Variants in BACE2 observed in about 807,000 individuals in gnomAD.
The protein encoded by BACE2 is 56 kDa aspartic-like protease.
In BACE2, 17 loss-of-function variants were observed where a neutral mutation model predicts 46.2. The observed-to-expected ratio is 0.37, with a 90% confidence interval of 0.25 to 0.55. The LOEUF is 0.55. BACE2 is among the 20% of genes least tolerant of loss of function. The pLI, the probability that BACE2 is intolerant of heterozygous loss-of-function variation, is 0.82. For synonymous variants in BACE2, 277 were observed against 295.9 expected, an observed-to-expected ratio of 0.94 and a Z score of 0.66; for missense variants, 595 against 698.1, an observed-to-expected ratio of 0.85 and a Z score of 1.66.
chr21:41,190,859 TAACTC>T (rs2123512589), intron 1 of BACE2, among the ~76,000 whole-genome samples: 1 of 152,346 alleles, frequency 6.6e-6, no homozygotes, highest in African/African-American at 2.4e-5. Context: ...CGGCCAACTG[TAACTC>T]CCATCTTAGC....
Position 41,168,420 on chromosome 21 carries a change from G to A in BACE2, c.157G>A (p.Ala53Thr). ...VAPTPGPGTP[A>T]ERHADGLALA... ...GCCCACCCCGGGACCCGGGACCCCT[G>A]CCGAGCGCCACGCCGACGGCTTGGC... The change falls in exon 1 of 9, where the codon GCC (alanine) becomes ACC (threonine). Residue 53 changes from alanine (A) to threonine (T), a missense_variant. Coordinates refer to ENST00000330333, the MANE Select transcript of BACE2 (RefSeq NM_012105.5). 7.1e-7 allele frequency: 1 copy of A among 1,404,164 alleles called. No homozygotes were observed. Among genetic ancestry groups the A allele is most frequent in the Non-Finnish European group, 9.3e-7 (1 of 1,077,012 alleles). The allele number at this position is 1,404,164 out of a possible 1,614,324, so 87.0% of individuals were successfully genotyped here.
chr21:41,169,303 G>A (rs1433052857), intron 1 of BACE2, among the ~76,000 whole-genome samples: 2 of 151,764 alleles, frequency 1.3e-5, no homozygotes, highest in African/African-American at 4.8e-5. Context: ...AAAAAAACAG[G>A]GGCTGAGTGA....
In BACE2 at chr21:41,231,694, T is replaced by C. The variant is rs1264769304; in HGVS notation, c.401+5340T>C. 3.3e-5 allele frequency among the ~76,000 whole-genome samples: 5 copies of C among 152,216 alleles called. No individual in the cohort carries two copies. In the East Asian group the frequency reaches 7.7e-4, roughly 23 times the overall value. Reference sequence around the variant, plus strand: ...TTGGTTCAAAGTGTTTTTATTACTGTGAGCAGGCTTTTTCCTGGCCACCCA... The same window carrying C: ...TTGGTTCAAAGTGTTTTTATTACTGCGAGCAGGCTTTTTCCTGGCCACCCA... On this transcript the variant is annotated intron_variant, in intron 2 of 8. Transcript: ENST00000330333.
intron 1 of BACE2, among the ~76,000 whole-genome samples, chr21:41,171,034 T>C (rs1054102063): frequency 6.6e-6 from 1 of 152,188 alleles, no homozygotes; most frequent in Non-Finnish European, 1.5e-5. Context: ...GAGCTGAACT[T>C]CAGAAGCCAA....
intron 1 of BACE2, chr21:41,179,058 G>A: frequency 1.8e-6 from 2 of 1,139,502 alleles, no homozygotes; most frequent in Non-Finnish European, 2.3e-6. Flanking sequence ...CCAGGGAGGT[G>A]AAGACTTGAG....
At chr21:41,199,510 G>A (rs1568864912) in intron 1 of BACE2, among the ~76,000 whole-genome samples, 1 of 152,184 alleles carries the variant, frequency 6.6e-6, no homozygotes, top group Non-Finnish European at 1.5e-5. Flanking sequence ...GTACCACCCA[G>A]TGTCCAAGGA....
chr21:41,205,983 T>G (rs545363932), intron 1 of BACE2, among the ~76,000 whole-genome samples: 2 of 152,312 alleles, frequency 1.3e-5, no homozygotes, highest in South Asian at 4.1e-4. Context: ...CACACACCTG[T>G]GTTCACAGCA....
intron 7 of BACE2, 39 bp from the exon 8 acceptor site, chr21:41,257,119 T>G (rs1405299010): frequency 6.2e-7 from 1 of 1,612,648 alleles, no homozygotes; most frequent in African/African-American, 1.3e-5. Flanking sequence ...TGATTTGTGC[T>G]TTTTCTTGTT....
At chr21:41,192,705 G>A (rs1985615551) in intron 1 of BACE2, among the ~76,000 whole-genome samples, 1 of 152,200 alleles carries the variant, frequency 6.6e-6, no homozygotes, top group African/African-American at 2.4e-5. Flanking sequence ...TGGCCCAAGT[G>A]GCCAAGCAGC....
At chr21:41,263,361 A>C (rs1234115272) in intron 8 of BACE2, among the ~76,000 whole-genome samples, 1 of 152,208 alleles carries the variant, frequency 6.6e-6, no homozygotes, top group Admixed American at 6.5e-5. Context: ...ACATAAAATA[A>C]CTTAAGTAAT....
At chr21:41,267,876 C>T (rs1316727052) in intron 8 of BACE2, among the ~76,000 whole-genome samples, 1 of 152,164 alleles carries the variant, frequency 6.6e-6, no homozygotes, top group African/African-American at 2.4e-5. Flanking sequence ...ACTCAGAAAG[C>T]ATCTCAGTAC....
intron 1 of BACE2, among the ~76,000 whole-genome samples, chr21:41,170,082 G>A (rs1984549880): frequency 6.6e-6 from 1 of 152,148 alleles, no homozygotes. Context: ...TGATGCGAGG[G>A]AATTCTCTCT....
At chr21:41,200,061 A>G (rs745336343) in intron 1 of BACE2, among the ~76,000 whole-genome samples, 47 of 147,486 alleles carry the variant, frequency 3.2e-4, no homozygotes, top group Admixed American at 7.4e-4. Context: ...AGGGGGGAGG[A>G]ATAGCATTAG....
Position 41,168,347 on chromosome 21 carries a change from CT to C in BACE2, c.86del (p.Phe29SerfsTer14). 1 of 1,381,278 alleles carries C rather than the reference CT, an allele frequency of 7.2e-7. No individual in the cohort carries two copies. Among genetic ancestry groups the C allele is most frequent in the Non-Finnish European group, 9.4e-7 (1 of 1,063,826 alleles). 85.6% of individuals were successfully genotyped at this position (1,381,278 alleles called of 1,614,324 possible). A position where few individuals can be genotyped will look rare whatever the true frequency, so the allele number is the denominator to read the frequency against. Reference protein sequence around the residue: ...RAAPELAPAPFTLPLRVAAAT... With the variant: ...RAAPELAPAPXTLPLRVAAAT... ...CCGCCCCGGAGCTGGCCCCCGCGCC[CT>C]TCACGCTGCCCCTCCGGGTGGCCGC... On this transcript the variant is annotated frameshift_variant, in exon 1 of 9. Coordinates refer to ENST00000330333, the MANE Select transcript of BACE2 (RefSeq NM_012105.5). LOFTEE classifies it high-confidence loss of function.
intron 5 of BACE2, among the ~76,000 whole-genome samples, 186 bp from the exon 6 acceptor site, chr21:41,245,776 C>A (rs1225028391): frequency 6.6e-6 from 1 of 152,170 alleles, no homozygotes; most frequent in Non-Finnish European, 1.5e-5. Flanking sequence ...CTGAAGTGAG[C>A]GTGTTGGGTT....
At chr21:41,210,676 C>T (rs975448865) in intron 1 of BACE2, among the ~76,000 whole-genome samples, 1 of 152,202 alleles carries the variant, frequency 6.6e-6, no homozygotes. Context: ...ATAAGAGACC[C>T]CTGACAGTGG....
chr21:41,179,601 A>G (rs1985029608), intron 1 of BACE2: 8 of 1,353,226 alleles, frequency 5.9e-6, no homozygotes, highest in Non-Finnish European at 7.9e-6. Context: ...AGGTGTTTGC[A>G]GTGCTTCAGG....
intron 6 of BACE2, 118 bp downstream of exon 6, chr21:41,246,181 A>ATTTCCAATG: frequency 3.4e-6 from 2 of 584,964 alleles, no homozygotes; most frequent in South Asian, 5.8e-5. Context: ...TCCAATTTTC[A>ATTTCCAATG]TATTGTGTAT....
chr21:41,238,954 TA>T (rs34474586), intron 3 of BACE2, among the ~76,000 whole-genome samples: 63,917 of 85,782 alleles, frequency 0.75, 23,070 homozygotes, highest in East Asian at 0.82. Context: ...AAAGTATAAT[TA>T]AAAAAAAAAA....
Sources: gnomAD v4.1 joint callset for allele counts (sites outside exome capture counted in the v4.1 genomes callset) on GRCh38, gnomAD v4.1.1 for gene constraint, MANE v1.5 for transcripts, NCBI Gene and HGNC (gene_info 2026-07-23, HGNC 2026-07-21) for gene names.